The following ALK variants were observed in gnomAD, a reference collection of about 807,000 sequenced individuals.
ALK encodes the protein ALK receptor tyrosine kinase, also known as ALK tyrosine kinase receptor.
ALK carries 74 observed loss-of-function variants against 163.1 expected under a neutral mutation model. That is an observed-to-expected ratio of 0.45 (90% CI 0.38 to 0.55). The LOEUF is 0.55. Ranked by LOEUF, ALK falls within the 20% of genes least tolerant of loss-of-function variation. The probability of loss-of-function intolerance (pLI) is 0.00; values close to 1 mark genes in which losing one functional copy is unlikely to be tolerated. For missense variants in ALK, 2,063 were observed against 2,105.3 expected, an observed-to-expected ratio of 0.98 and a Z score of 0.39; for synonymous variants, 960 against 843.2, an observed-to-expected ratio of 1.14 and a Z score of -2.40.
intron 3 of ALK, among the ~76,000 whole-genome samples, chr2:29,620,236 G>A (rs922777750): frequency 2.0e-5 from 3 of 152,132 alleles, no homozygotes; most frequent in Non-Finnish European, 4.4e-5. Context: ...AATCAAGGTG[G>A]TGGTTCCTTC....
At chr2:29,535,392 T>C (rs760293086) in intron 3 of ALK, among the ~76,000 whole-genome samples, 9 of 152,252 alleles carry the variant, frequency 5.9e-5, no homozygotes, top group Non-Finnish European at 1.2e-4. Context: ...GCTCACATTA[T>C]GGGCCAAAAC....
intron 3 of ALK, among the ~76,000 whole-genome samples, chr2:29,635,442 T>C (rs1362503803): frequency 6.6e-6 from 1 of 152,096 alleles, no homozygotes; most frequent in Non-Finnish European, 1.5e-5. Context: ...GATTATGATG[T>C]AAAGACAGGC....
intron 5 of ALK, among the ~76,000 whole-genome samples, chr2:29,345,656 C>A (rs1272783474): frequency 6.6e-6 from 1 of 151,864 alleles, no homozygotes; most frequent in African/African-American, 2.4e-5. Context: ...TTATCAGACG[C>A]TTAGATCTAA....
At chr2:29,226,342 G>A (rs1034446867) in intron 18 of ALK, among the ~76,000 whole-genome samples, 3 of 151,916 alleles carry the variant, frequency 2.0e-5, no homozygotes, top group African/African-American at 7.3e-5. Context: ...GCCTGGCATG[G>A]TGGTGGGCGC....
intron 1 of ALK, among the ~76,000 whole-genome samples, chr2:29,798,206 T>C (rs761498523): frequency 1.3e-5 from 2 of 152,254 alleles, no homozygotes; most frequent in African/African-American, 4.8e-5. Context: ...TTGGGACTTA[T>C]GTGGCCAAAG....
intron 1 of ALK, among the ~76,000 whole-genome samples, chr2:29,860,895 T>C (rs1666271235): frequency 6.6e-6 from 1 of 152,114 alleles, no homozygotes; most frequent in Non-Finnish European, 1.5e-5. Context: ...TTTATAGCAA[T>C]ACATATCTAC....
intron 1 of ALK, among the ~76,000 whole-genome samples, chr2:29,787,572 G>A (rs1232180808): frequency 6.6e-6 from 1 of 152,230 alleles, no homozygotes; most frequent in Non-Finnish European, 1.5e-5. Flanking sequence ...GGGAAAGAGA[G>A]TAGCCCAGGA....
At chr2:29,590,944 G>A (rs1446033153) in intron 3 of ALK, among the ~76,000 whole-genome samples, 1 of 151,454 alleles carries the variant, frequency 6.6e-6, no homozygotes, top group Non-Finnish European at 1.5e-5. Flanking sequence ...GTTGGCGGGC[G>A]CCTGTAGTCC....
chr2:29,416,997 T>C (rs888527529), intron 4 of ALK, among the ~76,000 whole-genome samples: 1 of 139,810 alleles, frequency 7.2e-6, no homozygotes, highest in African/African-American at 2.7e-5. Context: ...TTTTTTTTTT[T>C]TTTTTTTTGA....
At chr2:29,708,944 T>C (rs1032793094) in intron 2 of ALK, among the ~76,000 whole-genome samples, 2 of 152,146 alleles carry the variant, frequency 1.3e-5, no homozygotes, top group Non-Finnish European at 2.9e-5. Flanking sequence ...GAATTGGAGG[T>C]CTCTTCTGAC....
chr2:29,805,045 T>C (rs570485616), intron 1 of ALK, among the ~76,000 whole-genome samples: 1 of 152,316 alleles, frequency 6.6e-6, no homozygotes, highest in East Asian at 1.9e-4. Flanking sequence ...AGAAACTGGA[T>C]CTGTCAGCCT....
At chr2:29,208,398 G>C (rs1669371094) in intron 25 of ALK, among the ~76,000 whole-genome samples, 1 of 152,200 alleles carries the variant, frequency 6.6e-6, no homozygotes, top group South Asian at 2.1e-4. Flanking sequence ...GGAAGGAAAA[G>C]TCAGATAACA....
At chr2:29,195,060 C>G (rs903488161) in intron 28 of ALK, among the ~76,000 whole-genome samples, 1 of 152,074 alleles carries the variant, frequency 6.6e-6, no homozygotes, top group Non-Finnish European at 1.5e-5. Context: ...CACGAGTGTT[C>G]GAGTTTAAAA....
chr2:29,444,714 T>C (rs1285575727), intron 4 of ALK, among the ~76,000 whole-genome samples: 5 of 152,250 alleles, frequency 3.3e-5, no homozygotes, highest in Non-Finnish European at 5.9e-5. Context: ...AAGTTCATTT[T>C]TTTCTTCTGA....
rs897469427 is a variant in ALK at position 29,921,018 on chromosome 2, G to T, written c.-359C>A. The T allele has an allele frequency of 9.7e-6, 3 of 310,202 alleles. No individual in the cohort carries two copies. The highest frequency in any genetic ancestry group is 6.3e-5 in the African/African-American group (3 of 47,268). The allele number at this position is 310,202 out of a possible 1,614,324, so 19.2% of individuals were successfully genotyped here. A position where few individuals can be genotyped will look rare whatever the true frequency, so the allele number is the denominator to read the frequency against. On this transcript the variant is annotated 5_prime_UTR_variant, in exon 1 of 29. Transcript: ENST00000389048. ...ATGGTTGAAGGGAGGTGGCAGTTGGGTACCGTCCTCTCCTGCCCCCCGCAG... is the reference window on the plus strand; with the variant it reads ...ATGGTTGAAGGGAGGTGGCAGTTGGTTACCGTCCTCTCCTGCCCCCCGCAG...
chr2:29,789,944 G>T (rs1199007745), intron 1 of ALK, among the ~76,000 whole-genome samples: 2 of 152,118 alleles, frequency 1.3e-5, no homozygotes, highest in South Asian at 2.1e-4. Flanking sequence ...AATATCCAGG[G>T]CCCTGTAAAG....
intron 5 of ALK, among the ~76,000 whole-genome samples, chr2:29,374,102 C>A (rs570902329): frequency 6.6e-6 from 1 of 152,092 alleles, no homozygotes; most frequent in Non-Finnish European, 1.5e-5. Context: ...TAAACATACC[C>A]CAGGATAGTT....
rs987578150 is a variant in ALK, at chr2:29,225,354, G to A, written c.3172+107C>T. The A allele has an allele frequency of 2.9e-6, 3 of 1,050,028 alleles. No individual in the cohort carries two copies. The South Asian group carries it at 4.1e-5, about 14-fold the overall frequency. The allele number at this position is 1,050,028 out of a possible 1,614,324, so 65.0% of individuals were successfully genotyped here. ...TAATCACCACCCCACCCAATTCCAG[G>A]GACTAGCATAACGAAGTGACACCTT... On this transcript the variant is annotated intron_variant, in intron 19 of 28. Transcript: ENST00000389048.
At chr2:29,263,490 G>A (rs1211933849) in intron 11 of ALK, among the ~76,000 whole-genome samples, 2 of 152,120 alleles carry the variant, frequency 1.3e-5, no homozygotes, top group African/African-American at 4.8e-5. Context: ...CCCGACTTCT[G>A]GGTCTAGGTC....
Sources: gnomAD v4.1 joint callset for allele counts (sites outside exome capture counted in the v4.1 genomes callset) on GRCh38, gnomAD v4.1.1 for gene constraint, MANE v1.5 for transcripts, NCBI Gene and HGNC (gene_info 2026-07-23, HGNC 2026-07-21) for gene names.